The following GRIA1 variants were observed in gnomAD, a reference collection of about 807,000 sequenced individuals.
The protein encoded by GRIA1 is glutamate receptor 1.
Under a neutral mutation model 99.2 loss-of-function variants are expected in GRIA1, and 31 were observed. That is an observed-to-expected ratio of 0.31 (90% CI 0.23 to 0.42). GRIA1 has a LOEUF of 0.42. Ranked by LOEUF, GRIA1 falls within the 10% of genes least tolerant of loss-of-function variation. GRIA1 has a pLI of 1.00. For synonymous variants in GRIA1, 438 were observed against 432.4 expected (o/e 1.01, Z -0.16); for missense variants, 782 against 1,157.5 (o/e 0.68, Z 4.71).
At chr5:153,745,143 A>G (rs1762057150) in intron 11 of GRIA1, among the ~76,000 whole-genome samples, 1 of 152,176 alleles carries the variant, frequency 6.6e-6, no homozygotes, top group African/African-American at 2.4e-5. Context: ...GTGTTCCTCT[A>G]GATTTTTCTC....
intron 11 of GRIA1, among the ~76,000 whole-genome samples, chr5:153,723,087 C>A (rs1300024997): frequency 1.3e-5 from 2 of 152,098 alleles, no homozygotes; most frequent in African/African-American, 2.4e-5. Flanking sequence ...TTTAAATTAA[C>A]CTAAAAGAAG....
chr5:153,623,337 G>A (rs10515696), intron 2 of GRIA1, among the ~76,000 whole-genome samples: 33,624 of 152,088 alleles, frequency 0.22, 4,281 homozygotes, highest in Non-Finnish European at 0.29. Flanking sequence ...GACTTAGCAC[G>A]AGAGGATGAA....
At chr5:153,795,621 C>T (rs765502970) in intron 14 of GRIA1, 1 of 1,278,270 alleles carries the variant, frequency 7.8e-7, no homozygotes, top group Non-Finnish European at 1.1e-6. Flanking sequence ...GTCACGCACA[C>T]CTGTAACAAA....
At chr5:153,701,468 G>A (rs113355155) in intron 10 of GRIA1, among the ~76,000 whole-genome samples, 2,061 of 151,648 alleles carry the variant, frequency 0.014, 18 homozygotes, top group Middle Eastern at 0.027. Context: ...CAAAAAATTA[G>A]CCGGGCATGG....
intron 12 of GRIA1, among the ~76,000 whole-genome samples, chr5:153,768,842 C>T (rs933894700): frequency 2.6e-5 from 4 of 152,178 alleles, no homozygotes; most frequent in African/African-American, 9.6e-5. Context: ...TAGTCCGTTA[C>T]ATGTATTTAA....
intron 13 of GRIA1, among the ~76,000 whole-genome samples, chr5:153,794,119 G>A (rs1433800902): frequency 1.3e-5 from 2 of 152,094 alleles, no homozygotes; most frequent in East Asian, 3.9e-4. Context: ...CAATCATGTT[G>A]TTTTTATATC....
chr5:153,580,495 A>G (rs1033695009), intron 2 of GRIA1, among the ~76,000 whole-genome samples: 5 of 152,214 alleles, frequency 3.3e-5, no homozygotes, highest in African/African-American at 7.2e-5. Flanking sequence ...GCTCATGCCC[A>G]AGTGTGAACC....
rs566815537 is a variant in GRIA1 at position 153,772,914 on chromosome 5, C to A, written c.2270+2499C>A. ...GATGTGAAGTTAAGAAAACAAAGCA[C>A]AGACACATAACATAATTTGTCCAAT... On this transcript the variant is annotated intron_variant, in intron 13 of 15. Transcript: ENST00000285900. Among the ~76,000 whole-genome samples, 13 of 152,234 alleles carry A rather than the reference C, an allele frequency of 8.5e-5. No individual in the cohort carries two copies. In the South Asian group the frequency reaches 2.7e-3, roughly 32 times the overall value.
intron 5 of GRIA1, among the ~76,000 whole-genome samples, chr5:153,672,884 C>T (rs1479094019): frequency 6.6e-6 from 1 of 152,172 alleles, no homozygotes; most frequent in Non-Finnish European, 1.5e-5. Context: ...CACTCAAATT[C>T]CTTGGGCAGT....
chr5:153,759,876 G>C (rs183395599), intron 11 of GRIA1, among the ~76,000 whole-genome samples: 2 of 152,242 alleles, frequency 1.3e-5, no homozygotes, highest in African/African-American at 4.8e-5. Flanking sequence ...GCCCAGGGAT[G>C]CAAGAATGGT....
intron 5 of GRIA1, among the ~76,000 whole-genome samples, chr5:153,663,531 G>A (rs1413299831): frequency 6.6e-6 from 1 of 152,118 alleles, no homozygotes; most frequent in East Asian, 1.9e-4. Flanking sequence ...CCTATGAGTG[G>A]GAATATTAAT....
At chr5:153,724,598 A>C (rs1760359299) in intron 11 of GRIA1, among the ~76,000 whole-genome samples, 1 of 152,272 alleles carries the variant, frequency 6.6e-6, no homozygotes, top group African/African-American at 2.4e-5. Context: ...TACGTGAAGA[A>C]TGCAGAAGCC....
At chr5:153,644,413 A>T (rs1239880486) in intron 2 of GRIA1, among the ~76,000 whole-genome samples, 2 of 152,136 alleles carry the variant, frequency 1.3e-5, no homozygotes, top group African/African-American at 4.8e-5. Context: ...CCCAACAGTC[A>T]CATCTCTGTT....
chr5:153,563,470 G>T (rs916151866), intron 2 of GRIA1, among the ~76,000 whole-genome samples: 6 of 152,170 alleles, frequency 3.9e-5, no homozygotes, highest in Non-Finnish European at 2.9e-5. Context: ...TTGCCTCAAA[G>T]AGGGTAAAGG....
At chr5:153,562,083 G>A (rs1761181043) in intron 2 of GRIA1, among the ~76,000 whole-genome samples, 1 of 151,594 alleles carries the variant, frequency 6.6e-6, no homozygotes, top group South Asian at 2.1e-4. Flanking sequence ...TGAGAACCAA[G>A]TTCATTTGAG....
chr5:153,706,462 G>A (rs540906643), intron 11 of GRIA1, among the ~76,000 whole-genome samples: 1 of 152,274 alleles, frequency 6.6e-6, no homozygotes, highest in African/African-American at 2.4e-5. Flanking sequence ...AGGAACATAA[G>A]GTGGTACTCC....
intron 2 of GRIA1, among the ~76,000 whole-genome samples, chr5:153,630,111 A>G (rs945802495): frequency 3.9e-5 from 6 of 152,216 alleles, no homozygotes; most frequent in Admixed American, 3.9e-4. Flanking sequence ...TTAAATGGCA[A>G]TAATAATAAA....
At chr5:153,708,149 A>G (rs1388180177) in intron 11 of GRIA1, among the ~76,000 whole-genome samples, 3 of 151,968 alleles carry the variant, frequency 2.0e-5, no homozygotes, top group East Asian at 3.9e-4. Context: ...AGGGGTTTCA[A>G]TCTTGTGGTC....
At chr5:153,795,365 G>C in intron 14 of GRIA1, 1 of 649,500 alleles carries the variant, frequency 1.5e-6, no homozygotes, top group Non-Finnish European at 2.8e-6. Flanking sequence ...GTATCACTTT[G>C]TCAGTGCATA....
Sources: gnomAD v4.1 joint callset for allele counts (sites outside exome capture counted in the v4.1 genomes callset) on GRCh38, gnomAD v4.1.1 for gene constraint, MANE v1.5 for transcripts, NCBI Gene and HGNC (gene_info 2026-07-23, HGNC 2026-07-21) for gene names.